Variants in CDH12 observed in about 807,000 individuals in gnomAD.
CDH12 encodes the protein cadherin-12.
CDH12 carries 41 observed loss-of-function variants against 74.1 expected under a neutral mutation model. That is an observed-to-expected ratio of 0.55 (90% CI 0.43 to 0.72). The LOEUF is 0.72. Ranked by LOEUF, CDH12 falls within the 30% of genes least tolerant of loss-of-function variation. The pLI, the probability that CDH12 is intolerant of heterozygous loss-of-function variation, is 0.00. For synonymous variants in CDH12, 399 were observed against 355.0 expected (o/e 1.12, Z -1.39); for missense variants, 945 against 977.2 (o/e 0.97, Z 0.44).
At chr5:22,119,360 G>A (rs964714466) in intron 4 of CDH12, among the ~76,000 whole-genome samples, 5 of 147,390 alleles carry the variant, frequency 3.4e-5, no homozygotes, top group Non-Finnish European at 5.9e-5. Flanking sequence ...GCCTGATCTC[G>A]GCTTACTGCA....
chr5:22,745,062 C>T (rs1316393744), intron 1 of CDH12, among the ~76,000 whole-genome samples: 1 of 151,384 alleles, frequency 6.6e-6, no homozygotes, highest in African/African-American at 2.4e-5. Context: ...GTCAGATCTG[C>T]TGGAATTATT....
At chr5:22,726,698 T>C (rs1744180982) in intron 1 of CDH12, among the ~76,000 whole-genome samples, 1 of 151,770 alleles carries the variant, frequency 6.6e-6, no homozygotes, top group Non-Finnish European at 1.5e-5. Context: ...ACAGAACATA[T>C]ATCAGAGTTT....
chr5:22,091,954 T>C (rs974328858), intron 4 of CDH12, among the ~76,000 whole-genome samples: 3 of 151,936 alleles, frequency 2.0e-5, no homozygotes, highest in Non-Finnish European at 2.9e-5. Flanking sequence ...AATTAGTCTT[T>C]TTTTTATGTG....
chr5:22,850,358 T>C (rs993600343), intron 1 of CDH12, among the ~76,000 whole-genome samples: 3 of 152,072 alleles, frequency 2.0e-5, no homozygotes, highest in Non-Finnish European at 4.4e-5. Context: ...AGCTGAAAGT[T>C]AAAAGGCTTT....
At chr5:22,813,120 T>C (rs1749227311) in intron 1 of CDH12, among the ~76,000 whole-genome samples, 1 of 152,096 alleles carries the variant, frequency 6.6e-6, no homozygotes, top group African/African-American at 2.4e-5. Context: ...TCTCACGACC[T>C]ACTGAAAAAA....
intron 8 of CDH12, among the ~76,000 whole-genome samples, chr5:21,823,130 TG>T (rs771282469): frequency 1.3e-5 from 2 of 152,116 alleles, no homozygotes; most frequent in Non-Finnish European, 2.9e-5. Context: ...ATGGCATTTA[TG>T]GTCTAGTGGG....
At chr5:22,724,763 C>T (rs1354952568) in intron 1 of CDH12, among the ~76,000 whole-genome samples, 1 of 151,736 alleles carries the variant, frequency 6.6e-6, no homozygotes, top group Admixed American at 6.6e-5. Context: ...AATATTATAA[C>T]TGATCTAATA....
At chr5:21,997,693 C>CT (rs1736380394) in intron 5 of CDH12, among the ~76,000 whole-genome samples, 4 of 152,104 alleles carry the variant, frequency 2.6e-5, no homozygotes, top group Admixed American at 2.0e-4. Flanking sequence ...TCTCTACTTT[C>CT]TACTTTTACC....
At chr5:22,514,506 T>C (rs1273159011) in intron 1 of CDH12, among the ~76,000 whole-genome samples, 1 of 151,382 alleles carries the variant, frequency 6.6e-6, no homozygotes, top group East Asian at 1.9e-4. Flanking sequence ...AGGAAGCCTA[T>C]ACACTTAAAA....
chr5:22,809,949 C>G (rs1749053644), intron 1 of CDH12, among the ~76,000 whole-genome samples: 1 of 152,052 alleles, frequency 6.6e-6, no homozygotes, highest in Admixed American at 6.6e-5. Context: ...TGTATCCTAG[C>G]TTAAACTTTA....
At chr5:21,912,959 T>C (rs1484974342) in intron 6 of CDH12, among the ~76,000 whole-genome samples, 5 of 152,114 alleles carry the variant, frequency 3.3e-5, no homozygotes, top group Non-Finnish European at 7.4e-5. Context: ...TCTTGAGCCT[T>C]AGCCTCCCAA....
intron 6 of CDH12, among the ~76,000 whole-genome samples, chr5:21,967,461 T>G (rs1580040005): frequency 6.6e-6 from 1 of 152,012 alleles, no homozygotes; most frequent in Non-Finnish European, 1.5e-5. Context: ...GGGGAAGGAG[T>G]AATACTTTGC....
At chr5:22,025,031 C>T (rs1256216269) in intron 5 of CDH12, among the ~76,000 whole-genome samples, 4 of 152,054 alleles carry the variant, frequency 2.6e-5, no homozygotes, top group Non-Finnish European at 5.9e-5. Flanking sequence ...TCAAAAGAAA[C>T]ATTACTTTAC....
chr5:21,824,634 G>T (rs746014720), intron 8 of CDH12, among the ~76,000 whole-genome samples: 1 of 151,974 alleles, frequency 6.6e-6, no homozygotes, highest in Admixed American at 6.6e-5. Flanking sequence ...AGCATGAGAC[G>T]CATATCATTC....
chr5:21,773,770 A>G (rs1225938081), intron 11 of CDH12, among the ~76,000 whole-genome samples: 1 of 152,206 alleles, frequency 6.6e-6, no homozygotes, highest in African/African-American at 2.4e-5. Flanking sequence ...TGTTAAGAAC[A>G]TGTTTGTACA....
At chr5:21,776,358 C>T (rs1003360129) in intron 11 of CDH12, among the ~76,000 whole-genome samples, 1 of 152,192 alleles carries the variant, frequency 6.6e-6, no homozygotes, top group Admixed American at 6.5e-5. Context: ...TAAAATAATA[C>T]ATGTTGTTTA....
intron 3 of CDH12, among the ~76,000 whole-genome samples, chr5:22,279,021 G>A (rs1231975845): frequency 1.3e-5 from 2 of 151,792 alleles, no homozygotes; most frequent in Non-Finnish European, 2.9e-5. Context: ...AAAATAGCAG[G>A]CAAAACATAC....
chr5:22,096,383 C>T (rs1743782312), intron 4 of CDH12, among the ~76,000 whole-genome samples: 2 of 152,038 alleles, frequency 1.3e-5, no homozygotes, highest in African/African-American at 4.8e-5. Flanking sequence ...CAATGCAACT[C>T]ATCCCAAATC....
chr5:21,816,907 T>A, intron 9 of CDH12, 38 bp downstream of exon 9: 1 of 1,228,786 alleles, frequency 8.1e-7, no homozygotes, highest in Non-Finnish European at 1.1e-6. Context: ...CTTTAATTAT[T>A]ATTTAGTAGT....
Sources: gnomAD v4.1 joint callset for allele counts (sites outside exome capture counted in the v4.1 genomes callset) on GRCh38, gnomAD v4.1.1 for gene constraint, MANE v1.5 for transcripts, NCBI Gene and HGNC (gene_info 2026-07-23, HGNC 2026-07-21) for gene names.